The following FHOD1 variants were observed in gnomAD, a reference collection of about 807,000 sequenced individuals.
FHOD1 encodes FH1/FH2 domain-containing protein 1.
A neutral mutation model predicts 111.6 loss-of-function variants in FHOD1; 89 were observed. The observed-to-expected ratio is 0.80, with a 90% CI of 0.67 to 0.95. The LOEUF is 0.95. FHOD1 is among the 40% of genes least tolerant of loss of function. The probability of loss-of-function intolerance (pLI) is 0.00; values close to 1 mark genes in which losing one functional copy is unlikely to be tolerated. For missense variants in FHOD1, 1,446 were observed against 1,554.2 expected, an observed-to-expected ratio of 0.93 and a Z score of 1.17; for synonymous variants, 618 against 639.0, an observed-to-expected ratio of 0.97 and a Z score of 0.50.
rs1175236159 is a variant in FHOD1, at chr16:67,239,460, G to A, written c.202-6C>T. ...TGCAGAGCACAATCCTCCAACTGGG[G>A]GCAAAGGGAACAGCTGTGAGACTGA... On this transcript the variant is annotated splice_region_variant and splice_polypyrimidine_tract_variant and intron_variant, in intron 1 of 21. Coordinates refer to ENST00000258201, the MANE Select transcript of FHOD1 (RefSeq NM_013241.3). 2 of 1,608,458 alleles carry A rather than the reference G, an allele frequency of 1.2e-6. No homozygotes were observed. The highest frequency in any genetic ancestry group is 3.3e-5 in the Admixed American group (2 of 60,000).
chr16:67,234,398 GTC>G lies in FHOD1; in HGVS notation c.1392_1393del (p.Glu464AspfsTer9), dbSNP rs772669711. On this transcript the variant is annotated frameshift_variant, in exon 12 of 22. Coordinates refer to ENST00000258201, the MANE Select transcript of FHOD1 (RefSeq NM_013241.3). LOFTEE classifies it high-confidence loss of function. ...CTCATTGGGCATGGCCCCGGCAAGT[GTC>G]TCTGCCCGGCCCTGGGCCAGCGCAA... 3.7e-6 allele frequency: 6 copies of G among 1,610,260 alleles called. No homozygotes were observed. The East Asian group carries it at 6.7e-5, about 18-fold the overall frequency.
chr16:67,247,377 G>T lies in FHOD1; in HGVS notation c.34C>A (p.Pro12Thr), dbSNP rs557437499. 6.2e-7 allele frequency: 1 copy of T among 1,613,266 alleles called. No homozygotes were observed. The highest frequency in any genetic ancestry group is 8.5e-7 in the Non-Finnish European group (1 of 1,179,726). The change falls in exon 1 of 22, where the codon CCG (proline) becomes ACG (threonine). Residue 12 changes from proline to threonine, a missense_variant. Pro to Thr is a conservative substitution (Grantham distance 38, BLOSUM62 -1). Around this residue, in one of 3 missense-constraint regions of FHOD1, gnomAD observed 127 missense variants for 118.0 expected, o/e 1.08. Transcript: ENST00000258201. ...ACCCTCACGGTCACCACTGATACCG[G>T]CTCTCCGTCCCCGCGGTCTTCCCCG... ...AGGEDRGDGEPVSVVTVRVQY... is the reference protein window; with the variant it reads ...AGGEDRGDGETVSVVTVRVQY...
intron 1 of FHOD1, among the ~76,000 whole-genome samples, chr16:67,239,898 T>C (rs1026871674): frequency 2.0e-5 from 3 of 152,164 alleles, no homozygotes; most frequent in South Asian, 4.1e-4. Flanking sequence ...CTAGGACTTG[T>C]TGAGCTAATA....
chr16:67,236,442 G>A (rs1231746418), intron 11 of FHOD1, 115 bp downstream of exon 11: 5 of 1,485,046 alleles, frequency 3.4e-6, no homozygotes, highest in East Asian at 2.6e-5. Flanking sequence ...AGTCTGGAAA[G>A]AGAGAGAGAG....
Position 67,238,030 on chromosome 16 carries a change from T to C in FHOD1, c.642+4A>G. The C allele has an allele frequency of 6.2e-7, 1 of 1,613,794 alleles. No homozygotes were observed. Reference sequence around the variant, plus strand: ...GGTATAAGGCTGAGTGGAGAGCCACTTACCAGGCTGGCACACAATGTGTAC... The same window carrying C: ...GGTATAAGGCTGAGTGGAGAGCCACCTACCAGGCTGGCACACAATGTGTAC... On this transcript the variant is annotated splice_donor_region_variant and intron_variant, in intron 6 of 21. Coordinates refer to ENST00000258201, the MANE Select transcript of FHOD1 (RefSeq NM_013241.3). This position sits in a 1 kb window ranked among gnomAD's most constrained non-coding sequence, Gnocchi z 4.2.
chr16:67,233,144 T>C (rs1345210118), intron 13 of FHOD1, among the ~76,000 whole-genome samples: 1 of 151,964 alleles, frequency 6.6e-6, no homozygotes, highest in Non-Finnish European at 1.5e-5. Context: ...TGGAGTGCAA[T>C]GGTGCGATCT....
chr16:67,239,225 T>C, intron 2 of FHOD1, 123 bp downstream of exon 2: 1 of 830,764 alleles, frequency 1.2e-6, no homozygotes, highest in Non-Finnish European at 2.0e-6. Context: ...CTGGCACACT[T>C]CCCTGGGGCA....
At position 67,236,857 on chromosome 16, in the gene FHOD1, G is replaced by A; in HGVS notation, c.1142+109C>T. 6 of 1,454,950 alleles carry A rather than the reference G, an allele frequency of 4.1e-6. No individual in the cohort carries two copies. In the East Asian group the frequency reaches 9.2e-5, roughly 22 times the overall value. The allele number at this position is 1,454,950 out of a possible 1,614,324, so 90.1% of individuals were successfully genotyped here. On this transcript the variant is annotated intron_variant, in intron 10 of 21. Coordinates refer to ENST00000258201, the MANE Select transcript of FHOD1 (RefSeq NM_013241.3). ...TAGGGCAGGCCCAGTGGAGGAGGTG[G>A]GGGCTGTCTGTGGGGCGGGGCCTGA...
In FHOD1 at chr16:67,237,779, A is replaced by G. The variant is rs753051123; in HGVS notation, c.643-11T>C. 4.3e-6 allele frequency: 7 copies of G among 1,610,940 alleles called. No individual in the cohort carries two copies. In the South Asian group the frequency reaches 7.7e-5, roughly 18 times the overall value. ...CACCACCAAGCGGGACTGAGGAGAG[A>G]GGTCAGTACATATGAGTGGGGCTTA... is the stretch of plus-strand genomic sequence containing the variant. On this transcript the variant is annotated splice_polypyrimidine_tract_variant and intron_variant, in intron 6 of 21. Transcript: ENST00000258201. This position sits in a 1 kb window ranked among gnomAD's most constrained non-coding sequence, Gnocchi z 5.6.
chr16:67,238,085 C>G lies in FHOD1; in HGVS notation c.591G>C (p.Val197=), dbSNP rs2034555591. The G allele has an allele frequency of 2.5e-6, 4 of 1,614,100 alleles. No homozygotes were observed. In the South Asian group the frequency reaches 3.3e-5, roughly 13 times the overall value. ...ACTGAATAGTGTCACTGTGGGCCAC[C>G]ACCCCCAGCATTCCATCCACAAAGA... ...LMLFVDGMLG[V]VAHSDTIQWL... The change falls in exon 6 of 22, where the codon GTG becomes GTC. Residue 197 remains valine, a synonymous_variant. Coordinates refer to ENST00000258201, the MANE Select transcript of FHOD1 (RefSeq NM_013241.3). This position sits in a 1 kb window ranked among gnomAD's most constrained non-coding sequence, Gnocchi z 4.2.
chr16:67,233,613 C>A, intron 13 of FHOD1, 44 bp downstream of exon 13: 1 of 1,534,982 alleles, frequency 6.5e-7, no homozygotes, highest in African/African-American at 1.4e-5. Flanking sequence ...GCTCTGATTC[C>A]CTCCTGCCTC....
chr16:67,230,064 A>C lies in FHOD1; in HGVS notation c.3214+2T>G, dbSNP rs371052270. ...ATTCCCCACAGCTGCTATGGGCCTC[A>C]CCTCTGCTGCGGCGATTGTGTGTGG... On this transcript the variant is annotated splice_donor_variant, in intron 20 of 21. Transcript: ENST00000258201. LOFTEE classifies it high-confidence loss of function. 1.9e-6 allele frequency: 3 copies of C among 1,613,632 alleles called. No individual in the cohort carries two copies. In the South Asian group the frequency reaches 3.3e-5, roughly 18 times the overall value.
At chr16:67,241,529 T>C (rs562989647) in intron 1 of FHOD1, among the ~76,000 whole-genome samples, 1 of 152,274 alleles carries the variant, frequency 6.6e-6, no homozygotes, top group South Asian at 2.1e-4. Flanking sequence ...CACACACATA[T>C]AGAACAGCTC....
rs1555496138 is a variant in FHOD1, at chr16:67,230,470, C to CG, written c.2894dup (p.Gln966AlafsTer5). 1 of 1,614,108 alleles carries CG rather than the reference C, an allele frequency of 6.2e-7. No homozygotes were observed. Among genetic ancestry groups the CG allele is most frequent in the Non-Finnish European group, 8.5e-7 (1 of 1,180,042 alleles). On this transcript the variant is annotated frameshift_variant, in exon 19 of 22. Coordinates refer to ENST00000258201, the MANE Select transcript of FHOD1 (RefSeq NM_013241.3). LOFTEE classifies it high-confidence loss of function. ...TGATGCGCACTTCACGGGCCGCCTG[C>CG]GGGGTGTAGCCCAGGTAGAGCAGGA...
In FHOD1 at chr16:67,233,740, C is replaced by T; in HGVS notation, c.1963G>A (p.Ala655Thr). ...SRFGPCATLW[A>T]SLDPVSVDTA... ...TCCACTGAGACAGGGTCCAGTGAAG[C>T]CCAGAGGGTGGCGCAGGGCCCAAAG... is the stretch of plus-strand genomic sequence containing the variant. Residue 655 changes from alanine to threonine, a missense_variant, in exon 13 of 22, where the codon GCT becomes ACT. Ala to Thr is a moderately conservative substitution (Grantham distance 58). Transcript: ENST00000258201. 2 of 1,613,898 alleles carry T rather than the reference C, an allele frequency of 1.2e-6. No individual in the cohort carries two copies. Among genetic ancestry groups the T allele is most frequent in the Non-Finnish European group, 1.7e-6 (2 of 1,179,936 alleles).
chr16:67,229,989 G>A lies in FHOD1; in HGVS notation c.3216C>T (p.Gly1072=). The change falls in exon 21 of 22, where the codon GGC becomes GGT. Residue 1072 remains glycine (G), a splice_region_variant and synonymous_variant. Transcript: ENST00000258201. ...TGATTGGGGAGCTGCTCTGGACCATGCCTGAGGAAGGCCAGATAGCAAAGT... is the reference window on the plus strand; with the variant it reads ...TGATTGGGGAGCTGCTCTGGACCATACCTGAGGAAGGCCAGATAGCAAAGT... ...EDTTHNRRSR[G]MVQSSSPIMP... 1 of 1,613,808 alleles carries A rather than the reference G, an allele frequency of 6.2e-7. No homozygotes were observed. The highest frequency in any genetic ancestry group is 8.5e-7 in the Non-Finnish European group (1 of 1,179,692).
Position 67,229,819 on chromosome 16 carries a change from T to C in FHOD1, c.3386A>G (p.Lys1129Arg). The C allele has an allele frequency of 6.2e-7, 1 of 1,614,202 alleles. No homozygotes were observed. The highest frequency in any genetic ancestry group is 8.5e-7 in the Non-Finnish European group (1 of 1,180,024). ...SPRALAARER[K>R]RSRGNRKSLR... ...AGACTTGCGGTTGCCGCGGGAACGCTTGCGTTCCCTAGCAGCTAAGGCACG... is the reference window on the plus strand; with the variant it reads ...AGACTTGCGGTTGCCGCGGGAACGCCTGCGTTCCCTAGCAGCTAAGGCACG... Residue 1129 changes from lysine to arginine, a missense_variant, in exon 21 of 22, where the codon AAG becomes AGG. Transcript: ENST00000258201.
Position 67,234,019 on chromosome 16 carries a change from A to G in FHOD1, c.1684T>C (p.Ser562Pro). ...DEDQDMLNVESVEAGKDIPAP... is the reference protein window; with the variant it reads ...DEDQDMLNVEPVEAGKDIPAP... Reference sequence around the variant, plus strand: ...GGGATGTCTTTCCCAGCCTCCACAGACTCTACATTCAGCATGTCCTGGTCT... The same window carrying G: ...GGGATGTCTTTCCCAGCCTCCACAGGCTCTACATTCAGCATGTCCTGGTCT... Residue 562 changes from serine (S) to proline (P), a missense_variant, in exon 13 of 22, where the codon TCT becomes CCT. This residue lies in a region of FHOD1 where 1,085 missense variants were observed against 1,108.8 expected (regional missense o/e 0.98). Transcript: ENST00000258201. 2 of 1,613,310 alleles carry G rather than the reference A, an allele frequency of 1.2e-6. No homozygotes were observed. Among genetic ancestry groups the G allele is most frequent in the Non-Finnish European group, 8.5e-7 (1 of 1,179,884 alleles).
rs1450242086 is a variant in FHOD1 at position 67,233,793 on chromosome 16, G to A, written c.1910C>T (p.Ala637Val). The A allele has an allele frequency of 1.2e-6, 2 of 1,613,818 alleles. No homozygotes were observed. The highest frequency in any genetic ancestry group is 2.7e-5 in the African/African-American group (2 of 75,010). ...GCTTGCAGAGACTCCATGGCCCCCA[G>A]CCAGCTTCAGCTCACGCCAGAAAAG... is the stretch of plus-strand genomic sequence containing the variant. ...VKLFWRELKL[A>V]GGHGVSASRF... The change falls in exon 13 of 22, where the codon GCT becomes GTT. Residue 637 changes from alanine (A) to valine (V), a missense_variant. Ala to Val is a moderately conservative substitution (Grantham distance 64). Coordinates refer to ENST00000258201, the MANE Select transcript of FHOD1 (RefSeq NM_013241.3).
Sources: allele counts gnomAD v4.1 joint callset (sites outside exome capture counted in the v4.1 genomes callset), GRCh38; gene constraint gnomAD v4.1.1; regional missense constraint gnomAD v4.1.1; non-coding constraint Gnocchi (gnomAD v3.1); transcripts MANE v1.5; gene names NCBI Gene and HGNC (gene_info 2026-07-23, HGNC 2026-07-21).